The following AGBL5 variants were observed in gnomAD, a reference collection of about 807,000 sequenced individuals.
AGBL5 encodes cytosolic carboxypeptidase-like protein 5.
AGBL5 carries 51 observed loss-of-function variants against 88.0 expected under a neutral mutation model. That is an observed-to-expected ratio of 0.58 (90% confidence interval 0.46 to 0.73). The LOEUF is 0.73. Among genes scored for constraint, AGBL5 ranks in the 30% least tolerant of loss-of-function variants. The pLI, the probability that AGBL5 is intolerant of heterozygous loss-of-function variation, is 0.00. For missense variants in AGBL5, 1,031 were observed against 1,162.2 expected (o/e 0.89, Z 1.64); for synonymous variants, 446 against 438.8 (o/e 1.02, Z -0.21).
intron 11 of AGBL5, chr2:27,059,644 G>A: frequency 1.1e-6 from 1 of 887,840 alleles, no homozygotes; most frequent in Non-Finnish European, 1.6e-6. Flanking sequence ...TGCATGCTAG[G>A]AGCCAGGGAA....
upstream of AGBL5, among the ~76,000 whole-genome samples, chr2:27,050,753 G>C (rs904835901): frequency 1.3e-5 from 2 of 152,174 alleles, no homozygotes; most frequent in African/African-American, 4.8e-5. Flanking sequence ...GCATTAGAGG[G>C]CTATCAGCAG....
In AGBL5 at chr2:27,053,229, C is replaced by T; in HGVS notation, c.215+56C>T. On this transcript the variant is annotated intron_variant, in intron 2 of 14. Transcript: ENST00000360131. This position sits in a 1 kb window ranked among gnomAD's most constrained non-coding sequence, Gnocchi z 4.9. ...GGCTCCAAACCCATGCTTCAGTTAG[C>T]CCTCTGACTTATCTGTTCATACCCA... The T allele has an allele frequency of 1.3e-6, 2 of 1,535,514 alleles. No individual in the cohort carries two copies. Among genetic ancestry groups the T allele is most frequent in the Non-Finnish European group, 1.8e-6 (2 of 1,134,052 alleles).
At chr2:27,066,154 G>A (rs1361408872) in intron 11 of AGBL5, among the ~76,000 whole-genome samples, 1 of 151,198 alleles carries the variant, frequency 6.6e-6, no homozygotes, top group African/African-American at 2.4e-5. Context: ...AGCTACTTGG[G>A]ATGCAGGAGG....
intron 11 of AGBL5, among the ~76,000 whole-genome samples, chr2:27,064,910 C>T (rs562751951): frequency 1.3e-5 from 2 of 151,878 alleles, no homozygotes; most frequent in Admixed American, 6.6e-5. Flanking sequence ...CTCACCACCA[C>T]GCCTGGCTAA....
chr2:27,054,995 C>T (rs1668358139), intron 5 of AGBL5, 80 bp from the exon 6 acceptor site: 2 of 1,525,402 alleles, frequency 1.3e-6, no homozygotes, highest in Non-Finnish European at 1.8e-6. Flanking sequence ...ATTCCTGCCT[C>T]ATCCATGACA....
chr2:27,056,283 G>T, intron 7 of AGBL5, 145 bp downstream of exon 7: 1 of 805,316 alleles, frequency 1.2e-6, no homozygotes, highest in Non-Finnish European at 1.9e-6. Context: ...GCTTTGAAGG[G>T]CCAAGAAGAG....
intron 14 of AGBL5, 120 bp from the exon 15 acceptor site, chr2:27,069,972 T>G (rs1669197129): frequency 6.6e-7 from 1 of 1,519,022 alleles, no homozygotes; most frequent in Admixed American, 2.1e-5. Flanking sequence ...AGTAACCAAC[T>G]TGCCCATCCT....
At chr2:27,067,728 C>G in intron 12 of AGBL5, 82 bp downstream of exon 12, 1 of 1,496,730 alleles carries the variant, frequency 6.7e-7, no homozygotes, top group South Asian at 1.1e-5. Context: ...AGTTGGGAGA[C>G]CAGGGGCATC....
chr2:27,054,832 G>T (rs766137950), intron 5 of AGBL5, 25 bp downstream of exon 5: 1 of 1,601,298 alleles, frequency 6.2e-7, no homozygotes, highest in Non-Finnish European at 8.5e-7. Context: ...CATAAAGGTA[G>T]TTCTTTGGCT....
intron 11 of AGBL5, among the ~76,000 whole-genome samples, chr2:27,064,221 G>C (rs1320566659): frequency 2.0e-5 from 3 of 151,296 alleles, no homozygotes; most frequent in Non-Finnish European, 2.9e-5. Flanking sequence ...CTATGGCCAC[G>C]AGTCTTGACT....
rs889752296 is a variant in AGBL5, at chr2:27,068,868, G to C, written c.2355+124G>C. On this transcript the variant is annotated intron_variant, in intron 13 of 14. Transcript: ENST00000360131. ...TGCATCTACCCTTGGCCACATCAGA[G>C]AGCTTCTCTGGTGCCTGAGTGCCTG... The C allele has an allele frequency of 6.0e-6, 9 of 1,507,300 alleles. No homozygotes were observed. The Admixed American group carries it at 6.1e-5, about 10-fold the overall frequency. 93.4% of individuals were successfully genotyped at this position (1,507,300 alleles called of 1,614,324 possible).
chr2:27,059,610 G>A, intron 11 of AGBL5: 2 of 1,236,260 alleles, frequency 1.6e-6, no homozygotes, highest in South Asian at 1.6e-5. Flanking sequence ...GCCAGAGGGG[G>A]AAGTCTGGGT....
Position 27,054,715 on chromosome 2 carries a change from T to G in AGBL5, c.637T>G (p.Cys213Gly), listed in dbSNP as rs367620007. ...TGTAGATCTGCTGACGATCACTTCC[T>G]GCCATGGGCTTCGAGAAGATCGAGA... ...LRVDLLTITS[C>G]HGLREDREPR... The change falls in exon 5 of 15, where the codon TGC becomes GGC. Residue 213 changes from cysteine to glycine, a missense_variant. This residue lies in a region of AGBL5 where 540 missense variants were observed against 678.2 expected (regional missense o/e 0.80). Coordinates refer to ENST00000360131, the MANE Select transcript of AGBL5 (RefSeq NM_021831.6). The G allele has an allele frequency of 1.9e-6, 3 of 1,550,026 alleles. No individual in the cohort carries two copies. In the South Asian group the frequency reaches 3.5e-5, roughly 18 times the overall value.
At chr2:27,061,961 C>T (rs1284504036) in intron 11 of AGBL5, 3 of 151,788 alleles carry the variant, frequency 2.0e-5, no homozygotes, top group Non-Finnish European at 2.9e-5. Context: ...TATAGGCACC[C>T]GCCGCCACGC....
Position 27,055,889 on chromosome 2 carries a change from A to C in AGBL5, c.1116A>C (p.Gln372His), listed in dbSNP as rs200469656. ...ACCTGGAGAAAGCCAACAATCTCCA[A>C]AATGAAGCTCAGTGTGGGCACTCAG... The part of the protein sequence containing the change: ...VSDLEKANNL[Q>H]NEAQCGHSAD... Residue 372 changes from glutamine (Q) to histidine (H), a missense_variant, in exon 7 of 15, where the codon CAA becomes CAC. Gln to His is a conservative substitution (Grantham distance 24). This residue lies in a region of AGBL5 where 540 missense variants were observed against 678.2 expected (regional missense o/e 0.80). Coordinates refer to ENST00000360131, the MANE Select transcript of AGBL5 (RefSeq NM_021831.6). 6 of 1,614,062 alleles carry C rather than the reference A, an allele frequency of 3.7e-6. No individual in the cohort carries two copies. In the African/African-American group the frequency reaches 6.7e-5, roughly 18 times the overall value.
rs771329023 is a variant in AGBL5, at chr2:27,057,262, T to C, written c.1536-41T>C. 3.2e-6 allele frequency: 5 copies of C among 1,581,386 alleles called. No individual in the cohort carries two copies. In the South Asian group the frequency reaches 3.4e-5, roughly 11 times the overall value. On this transcript the variant is annotated intron_variant, in intron 8 of 14. Transcript: ENST00000360131. ...TGTCCTCTATGGTTCTGTCCTGGTA[T>C]CTGTTCAGGCGGGACACTGATAAAG...
In AGBL5 at chr2:27,052,969, G is replaced by A. The variant is rs754757439; in HGVS notation, c.11G>A (p.Arg4His). The stretch of plus-strand genomic sequence containing the variant: ...TTTCCCAGCCCCACCATGGAGCTGC[G>A]CTGTGGGGGATTGCTGTTCAGTTCT... MEL[R>H]CGGLLFSSRF... is the part of the protein sequence containing the mutation. Residue 4 changes from arginine (R) to histidine (H), a missense_variant, in exon 2 of 15, where the codon CGC (arginine) becomes CAC (histidine). Arg to His is a conservative substitution (Grantham distance 29). Around this residue, in one of 2 missense-constraint regions of AGBL5, gnomAD observed 540 missense variants for 678.2 expected, o/e 0.80. Coordinates refer to ENST00000360131, the MANE Select transcript of AGBL5 (RefSeq NM_021831.6). 18 of 1,606,392 alleles carry A rather than the reference G, an allele frequency of 1.1e-5. No individual in the cohort carries two copies. Among genetic ancestry groups the A allele is most frequent in the Non-Finnish European group, 1.4e-5 (16 of 1,175,142 alleles).
rs755861560 is a variant in AGBL5 at position 27,059,353 on chromosome 2, C to T, written c.2038C>T (p.Leu680=). The change falls in exon 11 of 15, where the codon CTG becomes TTG. Residue 680 remains leucine, a synonymous_variant. Transcript: ENST00000360131. ...HGSRPAGLPG[L]GSSTQKVTHR... ...CAGTCGGCCTGCAGGGCTGCCAGGCCTGGGCTCTAGTACCCAAAAGGTCAC... is the reference window on the plus strand; with the variant it reads ...CAGTCGGCCTGCAGGGCTGCCAGGCTTGGGCTCTAGTACCCAAAAGGTCAC... The T allele has an allele frequency of 6.2e-7, 1 of 1,614,256 alleles. No homozygotes were observed. Among genetic ancestry groups the T allele is most frequent in the South Asian group, 1.1e-5 (1 of 91,088 alleles).
upstream of AGBL5, among the ~76,000 whole-genome samples, chr2:27,051,208 G>T (rs570853940): frequency 6.6e-6 from 1 of 152,170 alleles, no homozygotes; most frequent in Non-Finnish European, 1.5e-5. Context: ...GAACTAAGCA[G>T]CAGGCGGGGG....
Sources: allele counts gnomAD v4.1 joint callset (sites outside exome capture counted in the v4.1 genomes callset), GRCh38; gene constraint gnomAD v4.1.1; regional missense constraint gnomAD v4.1.1; non-coding constraint Gnocchi (gnomAD v3.1); transcripts MANE v1.5; gene names NCBI Gene and HGNC (gene_info 2026-07-23, HGNC 2026-07-21).